PALMD: variants seen among roughly 807,000 people sequenced by gnomAD.
The protein encoded by PALMD is palmdelphin, also known as paralemmin-like protein.
Under a neutral mutation model 56.2 loss-of-function variants are expected in PALMD, and 42 were observed. That is an observed-to-expected ratio of 0.75 (90% confidence interval 0.58 to 0.97). The LOEUF (loss-of-function observed/expected upper bound fraction) is 0.97, where lower values mean the gene tolerates loss of function less well. Among genes scored for constraint, PALMD ranks in the 50% least tolerant of loss-of-function variants. The pLI is 0.00. For synonymous variants in PALMD, 242 were observed against 222.9 expected (o/e 1.09, Z -0.76); for missense variants, 660 against 643.8 (o/e 1.03, Z -0.27).
At chr1:99,665,656 G>A (rs919332212) in intron 2 of PALMD, among the ~76,000 whole-genome samples, 3 of 152,072 alleles carry the variant, frequency 2.0e-5, no homozygotes, top group Non-Finnish European at 4.4e-5. Flanking sequence ...CCATCTGAGT[G>A]TTTCTTATAT....
intron 1 of PALMD, among the ~76,000 whole-genome samples, chr1:99,646,577 G>C (rs139213734): frequency 2.0e-5 from 3 of 152,310 alleles, no homozygotes; most frequent in African/African-American, 7.2e-5. Context: ...TTTTCAAAAA[G>C]GCTGTGCCTG....
intron 1 of PALMD, among the ~76,000 whole-genome samples, chr1:99,646,773 A>T (rs982179629): frequency 6.6e-6 from 1 of 152,222 alleles, no homozygotes; most frequent in African/African-American, 2.4e-5. Context: ...AATTTTTTTT[A>T]AAGAGAGAAA....
intron 4 of PALMD, 44 bp from the exon 5 acceptor site, chr1:99,686,886 T>C: frequency 7.0e-7 from 1 of 1,434,968 alleles, no homozygotes; most frequent in Non-Finnish European, 9.7e-7. Context: ...TTAGATTCTA[T>C]TTTTTAAACT....
chr1:99,678,975 A>T (rs559298163), intron 3 of PALMD, among the ~76,000 whole-genome samples: 3 of 152,156 alleles, frequency 2.0e-5, no homozygotes, highest in Non-Finnish European at 4.4e-5. Flanking sequence ...TTAAAAAAAA[A>T]AAAAAATCCT....
intron 6 of PALMD, among the ~76,000 whole-genome samples, chr1:99,688,139 T>G (rs1653557441): frequency 6.6e-6 from 1 of 152,042 alleles, no homozygotes; most frequent in Admixed American, 6.6e-5. Context: ...TTCCTCTACT[T>G]GAAAATGGGA....
In PALMD at chr1:99,662,402, A is replaced by G; in HGVS notation, c.126+3A>G. On this transcript the variant is annotated splice_donor_region_variant and intron_variant, in intron 2 of 7. Transcript: ENST00000263174. ...AACTAAAGCACCAGCATTTGAAGGT[A>G]ATTTATGGCTTTAATTTCATTTCAA... 1.4e-6 allele frequency: 2 copies of G among 1,438,434 alleles called. No homozygotes were observed. Among genetic ancestry groups the G allele is most frequent in the Non-Finnish European group, 1.9e-6 (2 of 1,032,904 alleles). 89.1% of individuals were successfully genotyped at this position (1,438,434 alleles called of 1,614,324 possible).
At chr1:99,681,022 G>C (rs12069703) in intron 3 of PALMD, among the ~76,000 whole-genome samples, 5,552 of 151,694 alleles carry the variant, frequency 0.037, 281 homozygotes, top group African/African-American at 0.12. Context: ...AAAGCTACCT[G>C]CTTTTACCCA....
At chr1:99,681,534 G>A (rs1653347563) in intron 3 of PALMD, among the ~76,000 whole-genome samples, 1 of 152,080 alleles carries the variant, frequency 6.6e-6, no homozygotes, top group East Asian at 1.9e-4. Flanking sequence ...GAATGGGAAG[G>A]AATAATGAGG....
intron 6 of PALMD, among the ~76,000 whole-genome samples, 183 bp from the exon 7 acceptor site, chr1:99,688,592 C>A (rs1305885685): frequency 1.3e-5 from 2 of 152,114 alleles, no homozygotes; most frequent in Admixed American, 1.3e-4. Context: ...TACATAAAAA[C>A]CCGTGTTATT....
chr1:99,686,549 A>G (rs7512968), intron 3 of PALMD, 127 bp from the exon 4 acceptor site: 24,376 of 562,258 alleles, frequency 0.043, 1,459 homozygotes, highest in African/African-American at 0.22. Context: ...GTGACATTAT[A>G]TTCTTAGAAA....
intron 2 of PALMD, among the ~76,000 whole-genome samples, chr1:99,665,753 C>G (rs1652946680): frequency 6.6e-6 from 1 of 151,980 alleles, no homozygotes; most frequent in East Asian, 1.9e-4. Flanking sequence ...TGTCTTCTTT[C>G]CTATGCATTA....
At chr1:99,651,906 G>C (rs1652595466) in intron 1 of PALMD, among the ~76,000 whole-genome samples, 1 of 152,180 alleles carries the variant, frequency 6.6e-6, no homozygotes, top group Non-Finnish European at 1.5e-5. Context: ...AAATGTATCA[G>C]TGATTGACAC....
chr1:99,684,964 T>C (rs892035742), intron 3 of PALMD: 1 of 152,228 alleles, frequency 6.6e-6, no homozygotes, highest in Non-Finnish European at 1.5e-5. Flanking sequence ...TGAACCTTCT[T>C]GTTTTCTACC....
At position 99,683,134 on chromosome 1, in the gene PALMD, GAAAGAAAGAAAGAAAGAAAGAAAGAAA is replaced by G. The variant is rs1557674046; in HGVS notation, c.252-3541_252-3515del. On this transcript the variant is annotated intron_variant, in intron 3 of 7. Transcript: ENST00000263174. ...AGAAAGAAAGAAAGAAAGAAAGAAA[GAAAGAAAGAAAGAAAGAAAGAAAGAAA>G]GAAAGAAACGAACACCCTATGAAGT... 1.2e-4 allele frequency: 15 copies of G among 124,716 alleles called. 2 individuals are homozygous for G. Among genetic ancestry groups the G allele is most frequent in the Non-Finnish European group, 1.9e-4 (12 of 62,006 alleles). The allele number at this position is 124,716 out of a possible 1,614,324, so 7.7% of individuals were successfully genotyped here.
chr1:99,666,222 G>A (rs529328361), intron 2 of PALMD, among the ~76,000 whole-genome samples: 3 of 151,598 alleles, frequency 2.0e-5, no homozygotes, highest in Admixed American at 6.6e-5. Flanking sequence ...TTGTAATGTT[G>A]TAAGTTATAA....
chr1:99,665,472 A>G (rs544918935), intron 2 of PALMD, among the ~76,000 whole-genome samples: 41 of 152,298 alleles, frequency 2.7e-4, no homozygotes, highest in Non-Finnish European at 5.6e-4. Flanking sequence ...TTAAGTTCAA[A>G]GAGTTCTCCA....
At chr1:99,679,533 A>G (rs78846215) in intron 3 of PALMD, among the ~76,000 whole-genome samples, 215 of 152,318 alleles carry the variant, frequency 1.4e-3, no homozygotes, top group African/African-American at 5.0e-3. Flanking sequence ...CCAGTACAGA[A>G]AAATAACCCT....
At chr1:99,667,004 C>T (rs1652979151) in intron 2 of PALMD, among the ~76,000 whole-genome samples, 1 of 152,142 alleles carries the variant, frequency 6.6e-6, no homozygotes, top group Non-Finnish European at 1.5e-5. Flanking sequence ...TTAAGAATGT[C>T]TATAACCAGG....
intron 6 of PALMD, among the ~76,000 whole-genome samples, chr1:99,687,719 A>G (rs1217170141): frequency 6.6e-6 from 1 of 152,190 alleles, no homozygotes; most frequent in African/African-American, 2.4e-5. Flanking sequence ...TCATTTATTC[A>G]TTCAACAAAT....
Sources: allele counts gnomAD v4.1 joint callset (sites outside exome capture counted in the v4.1 genomes callset), GRCh38; gene constraint gnomAD v4.1.1; transcripts MANE v1.5; gene names NCBI Gene and HGNC (gene_info 2026-07-23, HGNC 2026-07-21).